Variants in SLC24A3 observed in about 807,000 individuals in gnomAD.
SLC24A3 encodes sodium/potassium/calcium exchanger 3.
Under a neutral mutation model 75.8 loss-of-function variants are expected in SLC24A3, and 28 were observed. That is an observed-to-expected ratio of 0.37 (90% CI 0.27 to 0.51). The LOEUF is 0.51. Among genes scored for constraint, SLC24A3 ranks in the 20% least tolerant of loss-of-function variants. The pLI is 0.94. For synonymous variants in SLC24A3, 372 were observed against 334.1 expected, an observed-to-expected ratio of 1.11 and a Z score of -1.24; for missense variants, 663 against 847.8, an observed-to-expected ratio of 0.78 and a Z score of 2.71.
rs565110034 is a variant in SLC24A3, at chr20:19,709,163, C to T, written c.1720-8365C>T. 4.5e-4 allele frequency among the ~76,000 whole-genome samples: 69 copies of T among 152,250 alleles called. 2 individuals carry two copies. The South Asian group carries it at 0.014, about 31-fold the overall frequency. ...GCCTCTGTCTCAGAATGACTCCATC[C>T]GAGGGGCAAGGGAGCTGGGGGGTTT... is the stretch of plus-strand genomic sequence containing the variant. On this transcript the variant is annotated intron_variant, in intron 15 of 16. Transcript: ENST00000328041.
At chr20:19,459,390 G>A (rs182007301) in intron 2 of SLC24A3, among the ~76,000 whole-genome samples, 4 of 152,234 alleles carry the variant, frequency 2.6e-5, no homozygotes, top group Admixed American at 6.5e-5. Flanking sequence ...TGGATGGCCC[G>A]TGGTCTCTTG....
intron 3 of SLC24A3, among the ~76,000 whole-genome samples, chr20:19,560,149 G>A (rs999601433): frequency 6.6e-6 from 1 of 152,140 alleles, no homozygotes; most frequent in African/African-American, 2.4e-5. Flanking sequence ...AAAAGTGAGG[G>A]AGTGAGAGAA....
chr20:19,714,366 C>G (rs1033033777), intron 15 of SLC24A3, among the ~76,000 whole-genome samples: 1 of 148,178 alleles, frequency 6.7e-6, no homozygotes. Context: ...GATTTCACCT[C>G]TGCACTCCAG....
intron 2 of SLC24A3, among the ~76,000 whole-genome samples, chr20:19,432,946 C>G (rs1363774597): frequency 1.3e-5 from 2 of 152,122 alleles, no homozygotes; most frequent in Non-Finnish European, 1.5e-5. Flanking sequence ...TCCTATTGCT[C>G]AAGGTCATCG....
intron 2 of SLC24A3, among the ~76,000 whole-genome samples, chr20:19,330,967 A>G (rs964127870): frequency 6.6e-5 from 10 of 152,156 alleles, no homozygotes; most frequent in Admixed American, 1.3e-4. Flanking sequence ...AAAACCCCCA[A>G]TGAGGAACAT....
chr20:19,386,043 A>G (rs913909137), intron 2 of SLC24A3, among the ~76,000 whole-genome samples: 17 of 152,306 alleles, frequency 1.1e-4, no homozygotes, highest in Admixed American at 3.9e-4. Context: ...CATTCTTCCA[A>G]TGCATGAACA....
chr20:19,425,078 G>A (rs1986983077), intron 2 of SLC24A3, among the ~76,000 whole-genome samples: 1 of 152,142 alleles, frequency 6.6e-6, no homozygotes, highest in African/African-American at 2.4e-5. Context: ...GCCGAGGTGG[G>A]CAGATCACGA....
chr20:19,691,734 A>G (rs2032747603), intron 12 of SLC24A3, among the ~76,000 whole-genome samples: 1 of 151,640 alleles, frequency 6.6e-6, no homozygotes, highest in Non-Finnish European at 1.5e-5. Context: ...ATCAAGAATG[A>G]CTCCCAGGAT....
chr20:19,479,898 T>C (rs1394570803), intron 2 of SLC24A3, among the ~76,000 whole-genome samples: 1 of 152,174 alleles, frequency 6.6e-6, no homozygotes, highest in African/African-American at 2.4e-5. Flanking sequence ...TTGAGAACCT[T>C]GAAAGAAAAT....
intron 1 of SLC24A3, among the ~76,000 whole-genome samples, chr20:19,250,045 A>C (rs995730822): frequency 6.6e-6 from 1 of 152,096 alleles, no homozygotes; most frequent in African/African-American, 2.4e-5. Context: ...GAGCATTCCA[A>C]GTGTACAGAG....
chr20:19,525,125 C>T (rs2030174855), intron 3 of SLC24A3, among the ~76,000 whole-genome samples: 1 of 152,208 alleles, frequency 6.6e-6, no homozygotes, highest in Non-Finnish European at 1.5e-5. Flanking sequence ...TCCCCTTTCT[C>T]TCCCAAGCCA....
chr20:19,273,884 G>T (rs764221977), intron 1 of SLC24A3, among the ~76,000 whole-genome samples: 12 of 151,266 alleles, frequency 7.9e-5, no homozygotes, highest in Non-Finnish European at 1.6e-4. Context: ...ACAATCACAG[G>T]CATCACCTCT....
chr20:19,464,359 C>A (rs1487381748), intron 2 of SLC24A3, among the ~76,000 whole-genome samples: 1 of 151,686 alleles, frequency 6.6e-6, no homozygotes, highest in Admixed American at 6.6e-5. Flanking sequence ...TTAATGCATT[C>A]ATACCACACA....
At chr20:19,307,959 T>G (rs1377276935) in intron 2 of SLC24A3, among the ~76,000 whole-genome samples, 1 of 152,176 alleles carries the variant, frequency 6.6e-6, no homozygotes, top group Non-Finnish European at 1.5e-5. Context: ...ATTTTCCTTG[T>G]GCCTCATATT....
At chr20:19,544,701 T>G (rs1462158265) in intron 3 of SLC24A3, among the ~76,000 whole-genome samples, 1 of 152,134 alleles carries the variant, frequency 6.6e-6, no homozygotes. Context: ...AAAACTGGAT[T>G]TATACACTCA....
At chr20:19,280,363 C>A (rs1361357893) in intron 1 of SLC24A3, among the ~76,000 whole-genome samples, 2 of 152,078 alleles carry the variant, frequency 1.3e-5, no homozygotes, top group African/African-American at 4.8e-5. Flanking sequence ...GCTTGATAAC[C>A]CCCAGAAGCA....
intron 1 of SLC24A3, among the ~76,000 whole-genome samples, chr20:19,254,107 A>G (rs373151149): frequency 6.6e-6 from 1 of 152,198 alleles, no homozygotes; most frequent in Non-Finnish European, 1.5e-5. Context: ...GGGATTTTTT[A>G]TGACATTGTA....
intron 2 of SLC24A3, among the ~76,000 whole-genome samples, chr20:19,450,613 T>C (rs992265007): frequency 1.3e-5 from 2 of 151,948 alleles, no homozygotes; most frequent in Non-Finnish European, 2.9e-5. Flanking sequence ...GCTCATAGAG[T>C]GTTTTTGTGC....
chr20:19,423,949 CAA>C (rs1986958058), intron 2 of SLC24A3, among the ~76,000 whole-genome samples: 1 of 152,000 alleles, frequency 6.6e-6, no homozygotes, highest in Admixed American at 6.6e-5. Flanking sequence ...GTTTGTCTCA[CAA>C]AGAGTCTTGT....
Sources: gnomAD v4.1 joint callset for allele counts (sites outside exome capture counted in the v4.1 genomes callset) on GRCh38, gnomAD v4.1.1 for gene constraint, MANE v1.5 for transcripts, NCBI Gene and HGNC (gene_info 2026-07-23, HGNC 2026-07-21) for gene names.